MYBPC2: variants seen among roughly 807,000 people sequenced by gnomAD.
MYBPC2 encodes the protein myosin-binding protein C, fast-type.
A neutral mutation model predicts 137.0 loss-of-function variants in MYBPC2; 122 were observed. That is an observed-to-expected ratio of 0.89 (90% CI 0.77 to 1.03). The LOEUF (loss-of-function observed/expected upper bound fraction) is 1.03. MYBPC2 is among the 50% of genes least tolerant of loss of function. The pLI is 0.00. For synonymous variants in MYBPC2, 626 were observed against 612.3 expected, an observed-to-expected ratio of 1.02 and a Z score of -0.33; for missense variants, 1,500 against 1,534.4, an observed-to-expected ratio of 0.98 and a Z score of 0.37.
chr19:50,451,843 G>A, intron 15 of MYBPC2, 21 bp from the exon 16 acceptor site: 1 of 1,584,490 alleles, frequency 6.3e-7, no homozygotes, highest in Non-Finnish European at 8.6e-7. Flanking sequence ...CAGGGTCCCT[G>A]TATCTCTTCT....
intron 13 of MYBPC2, 84 bp downstream of exon 13, chr19:50,448,474 A>AT (rs1211001890): frequency 0.031 from 34,232 of 1,106,128 alleles, 1 homozygote; most frequent in East Asian, 0.037. Context: ...TCCCCCATTT[A>AT]TTTTTTTTTT....
chr19:50,453,750 G>A (rs562303473), intron 16 of MYBPC2, among the ~76,000 whole-genome samples: 4 of 152,084 alleles, frequency 2.6e-5, no homozygotes, highest in Admixed American at 2.6e-4. Context: ...ATGTTGGCCA[G>A]GCTGGTCGCA....
intron 26 of MYBPC2, among the ~76,000 whole-genome samples, chr19:50,463,543 C>T (rs2039988778): frequency 6.6e-6 from 1 of 152,162 alleles, no homozygotes; most frequent in Non-Finnish European, 1.5e-5. Context: ...TTACAACAAA[C>T]ATTTTCAGAG....
In MYBPC2 at chr19:50,460,270, G is replaced by A. The variant is rs569611512; in HGVS notation, c.2931+91G>A. On this transcript the variant is annotated intron_variant, in intron 24 of 27. Coordinates refer to ENST00000357701, the MANE Select transcript of MYBPC2 (RefSeq NM_004533.4). ...CCGTTCACAGCTGGAAGGGCAGGGA[G>A]GGGCCCAGAGGCTAGAGGACGGGCT... The A allele has an allele frequency of 4.6e-4, 678 of 1,471,808 alleles. 3 individuals are homozygous for A. The African/African-American group carries it at 8.6e-3, about 19-fold the overall frequency. 91.2% of individuals were successfully genotyped at this position (1,471,808 alleles called of 1,614,324 possible).
intron 1 of MYBPC2, 109 bp downstream of exon 1, chr19:50,433,081 TGAG>T: frequency 7.4e-7 from 1 of 1,356,768 alleles, no homozygotes; most frequent in South Asian, 1.5e-5. Flanking sequence ...CTTCGCTGTG[TGAG>T]GAGGAGGCTC....
chr19:50,446,181 C>T, intron 12 of MYBPC2, 129 bp downstream of exon 12: 1 of 1,149,796 alleles, frequency 8.7e-7, no homozygotes, highest in Non-Finnish European at 1.2e-6. Flanking sequence ...TATGTTCAGC[C>T]CACCAGGGAG....
In MYBPC2 at chr19:50,455,614, GGGTACCT is replaced by G; in HGVS notation, c.2312_2318del (p.Tyr771TrpfsTer39). 1 of 1,613,976 alleles carries G rather than the reference GGGTACCT, an allele frequency of 6.2e-7. No individual in the cohort carries two copies. Among genetic ancestry groups the G allele is most frequent in the South Asian group, 1.1e-5 (1 of 91,086 alleles). On this transcript the variant is annotated frameshift_variant, in exon 20 of 28. Transcript: ENST00000357701. LOFTEE classifies it high-confidence loss of function. ...CAGGATCGGGGCAGGTGGCATCGAT[GGGTACCT>G]GGTGGAGTACTGCCTGGAAGGCTGT...
intron 18 of MYBPC2, 89 bp downstream of exon 18, chr19:50,454,458 C>G: frequency 8.9e-7 from 1 of 1,129,034 alleles, no homozygotes; most frequent in Non-Finnish European, 1.2e-6. Context: ...TGGAGTCTCA[C>G]TCTATCGCCC....
chr19:50,450,980 C>A, intron 14 of MYBPC2, 45 bp downstream of exon 14: 1 of 1,511,630 alleles, frequency 6.6e-7, no homozygotes, highest in East Asian at 2.5e-5. Flanking sequence ...TAGGATCCAC[C>A]CTCGCAGACC....
At chr19:50,452,504 G>GTATCTATCTATC (rs1208324934) in intron 16 of MYBPC2, among the ~76,000 whole-genome samples, 2,577 of 102,886 alleles carry the variant, frequency 0.025, 35 homozygotes, top group African/African-American at 0.032. Flanking sequence ...ATGTATGTAT[G>GTATCTATCTATC]TATGTATCTA....
intron 15 of MYBPC2, among the ~76,000 whole-genome samples, 185 bp downstream of exon 15, chr19:50,451,494 G>T: frequency 7.5e-6 from 1 of 132,526 alleles, no homozygotes; most frequent in Non-Finnish European, 1.6e-5. Context: ...GCGGGGAGCT[G>T]ACAGACGGGG....
chr19:50,451,394 G>A, intron 15 of MYBPC2, 85 bp downstream of exon 15: 1 of 1,487,784 alleles, frequency 6.7e-7, no homozygotes, highest in Non-Finnish European at 9.3e-7. Context: ...AGGGAGGATA[G>A]GCAGGGCGAG....
At chr19:50,445,675 G>A (rs1027597991) in intron 11 of MYBPC2, among the ~76,000 whole-genome samples, 2 of 152,092 alleles carry the variant, frequency 1.3e-5, no homozygotes, top group Non-Finnish European at 2.9e-5. Context: ...TTACAGGCAT[G>A]AGCCAGCGTG....
Position 50,445,867 on chromosome 19 carries a change from C to T in MYBPC2, c.1134-13C>T, listed in dbSNP as rs1429560766. The stretch of plus-strand genomic sequence containing the variant: ...TGTCTCCTCACATCCCGTTCTGTGT[C>T]TCACCCACCTAGGATGAAAGATGGT... On this transcript the variant is annotated splice_polypyrimidine_tract_variant and intron_variant, in intron 11 of 27. Coordinates refer to ENST00000357701, the MANE Select transcript of MYBPC2 (RefSeq NM_004533.4). 4 of 1,596,576 alleles carry T rather than the reference C, an allele frequency of 2.5e-6. No homozygotes were observed. The highest frequency in any genetic ancestry group is 2.6e-6 in the Non-Finnish European group (3 of 1,171,334).
intron 12 of MYBPC2, among the ~76,000 whole-genome samples, chr19:50,447,249 T>C (rs1313025462): frequency 6.6e-6 from 1 of 152,160 alleles, no homozygotes; most frequent in African/African-American, 2.4e-5. Flanking sequence ...GTTTGGATAC[T>C]GGACTCCATT....
intron 16 of MYBPC2, 115 bp from the exon 17 acceptor site, chr19:50,453,905 C>G: frequency 8.2e-7 from 1 of 1,215,582 alleles, no homozygotes; most frequent in Non-Finnish European, 1.1e-6. Context: ...CGAGTGAGGA[C>G]TCTGTGTGTT....
chr19:50,448,616 C>T (rs1480844469), intron 13 of MYBPC2, among the ~76,000 whole-genome samples: 5 of 151,638 alleles, frequency 3.3e-5, no homozygotes, highest in East Asian at 1.9e-4. Flanking sequence ...TGCACCACCA[C>T]GCCTGACTAA....
In MYBPC2 at chr19:50,455,689, G is replaced by A. The variant is rs761339730; in HGVS notation, c.2338+45G>A. 8 of 1,604,258 alleles carry A rather than the reference G, an allele frequency of 5.0e-6. No homozygotes were observed. In the South Asian group the frequency reaches 8.9e-5, roughly 18 times the overall value. On this transcript the variant is annotated intron_variant, in intron 20 of 27. Transcript: ENST00000357701. ...CTGGTGGGGGTGGTGGCTAGCACAG[G>A]TGGGTATCCAGTCCAGGGAGCTGAA...
chr19:50,459,094 C>A lies in MYBPC2; in HGVS notation c.2596-17C>A, dbSNP rs780198346. Reference sequence around the variant, plus strand: ...GGAGCCCCGCTGACCCCACCCCGCCCCGCCCTCTCCCCGCAGGGAAAGCCC... The same window carrying A: ...GGAGCCCCGCTGACCCCACCCCGCCACGCCCTCTCCCCGCAGGGAAAGCCC... On this transcript the variant is annotated splice_polypyrimidine_tract_variant and intron_variant, in intron 22 of 27. Coordinates refer to ENST00000357701, the MANE Select transcript of MYBPC2 (RefSeq NM_004533.4). The A allele has an allele frequency of 2.5e-5, 39 of 1,552,630 alleles. No individual in the cohort carries two copies. The highest frequency in any genetic ancestry group is 9.7e-5 in the Admixed American group (5 of 51,398).
Sources: gnomAD v4.1 joint callset for allele counts (sites outside exome capture counted in the v4.1 genomes callset) on GRCh38, gnomAD v4.1.1 for gene constraint, MANE v1.5 for transcripts, NCBI Gene and HGNC (gene_info 2026-07-23, HGNC 2026-07-21) for gene names.